The following KIAA1328 variants were observed in gnomAD, a reference collection of about 807,000 sequenced individuals.
The protein encoded by KIAA1328 is protein hinderin.
Under a neutral mutation model 68.1 loss-of-function variants are expected in KIAA1328, and 52 were observed. The observed-to-expected ratio is 0.76, with a 90% CI of 0.61 to 0.96. KIAA1328 has a LOEUF of 0.96. Ranked by LOEUF, KIAA1328 falls within the 40% of genes least tolerant of loss-of-function variation. KIAA1328 has a pLI of 0.00. For synonymous variants in KIAA1328, 232 were observed against 239.4 expected (o/e 0.97, Z 0.28); for missense variants, 641 against 677.6 (o/e 0.95, Z 0.60).
intron 7 of KIAA1328, among the ~76,000 whole-genome samples, chr18:37,156,432 A>C (rs968689508): frequency 1.3e-5 from 2 of 150,092 alleles, no homozygotes; most frequent in South Asian, 2.1e-4. Context: ...GCCTCAAAAA[A>C]AAAAAAAAAA....
At chr18:37,114,859 A>C (rs1466203851) in intron 7 of KIAA1328, among the ~76,000 whole-genome samples, 1 of 152,224 alleles carries the variant, frequency 6.6e-6, no homozygotes, top group African/African-American at 2.4e-5. Context: ...CAGAAATACA[A>C]ACTACCATCA....
At position 36,885,642 on chromosome 18, in the gene KIAA1328, C is replaced by A. The variant is rs915170021; in HGVS notation, c.418C>A (p.Gln140Lys). 16 of 1,593,804 alleles carry A rather than the reference C, an allele frequency of 1.0e-5. No homozygotes were observed. The highest frequency in any genetic ancestry group is 1.4e-5 in the African/African-American group (1 of 74,004). Residue 140 changes from glutamine (Q) to lysine (K), a missense_variant, in exon 5 of 10, where the codon CAG becomes AAG. Coordinates refer to ENST00000280020, the MANE Select transcript of KIAA1328 (RefSeq NM_020776.3). ...GAAGAAGATCAGGCAGTTGGAAGAA[C>A]AGAATGAACTGATCATCAAAGAAAG... ...FEKKIRQLEE[Q>K]NELIIKEREA...
intron 5 of KIAA1328, among the ~76,000 whole-genome samples, chr18:36,888,315 C>T (rs1472625404): frequency 6.6e-6 from 1 of 152,144 alleles, no homozygotes; most frequent in African/African-American, 2.4e-5. Flanking sequence ...CCTTTCCTAA[C>T]CTAAAATATT....
At chr18:36,870,061 A>G (rs1313628376) in intron 4 of KIAA1328, among the ~76,000 whole-genome samples, 1 of 152,024 alleles carries the variant, frequency 6.6e-6, no homozygotes, top group Non-Finnish European at 1.5e-5. Context: ...ACGGGGTTTC[A>G]CCATGTTGAC....
At chr18:37,139,509 A>G (rs2058721341) in intron 7 of KIAA1328, among the ~76,000 whole-genome samples, 1 of 152,158 alleles carries the variant, frequency 6.6e-6, no homozygotes, top group Non-Finnish European at 1.5e-5. Flanking sequence ...TGGAATTTAA[A>G]TGCTAGTTTA....
At chr18:37,096,848 G>A (rs899982572) in intron 7 of KIAA1328, among the ~76,000 whole-genome samples, 59 of 152,156 alleles carry the variant, frequency 3.9e-4, no homozygotes, top group African/African-American at 1.4e-3. Flanking sequence ...TTTTTCATAT[G>A]TCTTTTGGCT....
intron 5 of KIAA1328, among the ~76,000 whole-genome samples, chr18:36,952,095 C>T (rs189875879): frequency 9.6e-4 from 146 of 152,302 alleles, no homozygotes; most frequent in African/African-American, 3.4e-3. Flanking sequence ...GTTAACCATC[C>T]ATGCCATGCT....
chr18:36,927,691 T>G (rs1199756951), intron 5 of KIAA1328, among the ~76,000 whole-genome samples: 2 of 152,046 alleles, frequency 1.3e-5, no homozygotes, highest in East Asian at 3.9e-4. Context: ...AGGTTGAGGC[T>G]GCCATGAGCT....
intron 7 of KIAA1328, among the ~76,000 whole-genome samples, chr18:37,121,461 T>C (rs2058269086): frequency 6.6e-6 from 1 of 151,604 alleles, no homozygotes; most frequent in African/African-American, 2.4e-5. Flanking sequence ...TATCTATCTA[T>C]GCATCTATCG....
intron 6 of KIAA1328, among the ~76,000 whole-genome samples, chr18:37,043,957 G>A (rs145120569): frequency 6.6e-6 from 1 of 152,182 alleles, no homozygotes; most frequent in East Asian, 1.9e-4. Context: ...AGTAACCATG[G>A]TATGCAAAAT....
chr18:37,200,189 C>T (rs1225054519), intron 9 of KIAA1328, among the ~76,000 whole-genome samples: 1 of 152,232 alleles, frequency 6.6e-6, no homozygotes, highest in Non-Finnish European at 1.5e-5. Context: ...GCCCAGGACA[C>T]ACCTCCAAGT....
chr18:36,854,725 A>G (rs896207990), intron 4 of KIAA1328, among the ~76,000 whole-genome samples: 9 of 152,138 alleles, frequency 5.9e-5, no homozygotes, highest in African/African-American at 1.4e-4. Flanking sequence ...GGCATTTAGT[A>G]TATACACAGT....
At chr18:37,155,327 T>C (rs2059129152) in intron 7 of KIAA1328, among the ~76,000 whole-genome samples, 1 of 152,180 alleles carries the variant, frequency 6.6e-6, no homozygotes, top group South Asian at 2.1e-4. Context: ...ATCAAATTAC[T>C]TTCTTGAAAT....
intron 6 of KIAA1328, among the ~76,000 whole-genome samples, chr18:36,994,450 G>C (rs113596038): frequency 2.0e-3 from 298 of 152,230 alleles, no homozygotes; most frequent in Middle Eastern, 0.01. Context: ...CTCCAAACAT[G>C]TATTTCTTTA....
In KIAA1328 at chr18:36,926,482, ACC is replaced by A. The variant is rs546015298; in HGVS notation, c.449-32824_449-32823del. Among the ~76,000 whole-genome samples, 219 of 152,178 alleles carry A rather than the reference ACC, an allele frequency of 1.4e-3. 3 individuals are homozygous for A. The highest frequency in any genetic ancestry group is 0.013 in the Admixed American group (201 of 15,270). The stretch of plus-strand genomic sequence containing the variant: ...ACACATCGTATCAGGGTCACATGAT[ACC>A]CACAAGGTACTGGTGATACTAACTT... On this transcript the variant is annotated intron_variant, in intron 5 of 9. Transcript: ENST00000280020.
intron 5 of KIAA1328, among the ~76,000 whole-genome samples, chr18:36,923,342 G>C (rs2049997723): frequency 6.6e-6 from 1 of 152,018 alleles, no homozygotes; most frequent in African/African-American, 2.4e-5. Flanking sequence ...CAACAGAAAA[G>C]CAATAGAGAC....
chr18:36,874,603 T>G (rs1168280148), intron 4 of KIAA1328, among the ~76,000 whole-genome samples: 1 of 152,214 alleles, frequency 6.6e-6, no homozygotes, highest in Non-Finnish European at 1.5e-5. Context: ...ATGGATAGAT[T>G]GCAAAAATTT....
rs116653760 is a variant in KIAA1328 at position 37,010,596 on chromosome 18, A to G, written c.576+51161A>G. On this transcript the variant is annotated intron_variant, in intron 6 of 9. Coordinates refer to ENST00000280020, the MANE Select transcript of KIAA1328 (RefSeq NM_020776.3). The stretch of plus-strand genomic sequence containing the variant: ...TCTGCTTAGCTTGGATCACATAAGG[A>G]CTTAACAAAGTGCTTTAGTCTTCAC... Among the ~76,000 whole-genome samples the G allele has an allele frequency of 5.5e-3, 842 of 152,106 alleles. 7 individuals are homozygous for G. Among genetic ancestry groups the G allele is most frequent in the African/African-American group, 0.02 (811 of 41,482 alleles).
At chr18:36,942,031 G>C (rs958464669) in intron 5 of KIAA1328, among the ~76,000 whole-genome samples, 1 of 152,162 alleles carries the variant, frequency 6.6e-6, no homozygotes, top group African/African-American at 2.4e-5. Flanking sequence ...TGAAAAAACT[G>C]AAGTATGCTT....
Sources: allele counts gnomAD v4.1 joint callset (sites outside exome capture counted in the v4.1 genomes callset), GRCh38; gene constraint gnomAD v4.1.1; transcripts MANE v1.5; gene names NCBI Gene and HGNC (gene_info 2026-07-23, HGNC 2026-07-21).